The following SCOC variants were observed in gnomAD, a reference collection of about 807,000 sequenced individuals.
SCOC encodes the protein short coiled coil protein.
Under a neutral mutation model 9.9 loss-of-function variants are expected in SCOC, and 7 were observed. The ratio of observed to expected loss-of-function variants is 0.71; its 90% CI spans 0.40 to 1.33. The LOEUF (loss-of-function observed/expected upper bound fraction) is 1.33, where lower values mean the gene tolerates loss of function less well. Among genes scored for constraint, SCOC ranks in the 40% most tolerant of loss-of-function variants. The pLI, the probability that SCOC is intolerant of heterozygous loss-of-function variation, is 0.01. For missense variants in SCOC, 66 were observed against 89.7 expected, an observed-to-expected ratio of 0.74 and a Z score of 1.07; for synonymous variants, 19 against 28.2, an observed-to-expected ratio of 0.67 and a Z score of 1.03.
chr4:140,338,928 T>C (rs1463557202), upstream of SCOC, among the ~76,000 whole-genome samples: 3 of 152,220 alleles, frequency 2.0e-5, no homozygotes, highest in Non-Finnish European at 1.5e-5. Context: ...ATGACTTTCT[T>C]CACAGAATTG....
intron 2 of SCOC, chr4:140,366,330 G>A (rs7687408): frequency 0.95 from 1,294,757 of 1,366,130 alleles, 613,922 homozygotes; most frequent in East Asian, 0.99. Flanking sequence ...CTGGCCTGTG[G>A]CTTTCTGGGC....
Position 140,382,926 on chromosome 4 carries a change from G to A in SCOC, c.*1822G>A, listed in dbSNP as rs1291131244. The A allele has an allele frequency of 2.6e-5, 4 of 152,230 alleles. No individual in the cohort carries two copies. The highest frequency in any genetic ancestry group is 1.3e-4 in the Admixed American group (2 of 15,284). The allele number at this position is 152,230 out of a possible 1,614,324, so 9.4% of individuals were successfully genotyped here. A position where few individuals can be genotyped will look rare whatever the true frequency, so the allele number is the denominator to read the frequency against. On this transcript the variant is annotated 3_prime_UTR_variant, in exon 4 of 4. Transcript: ENST00000608372. The stretch of plus-strand genomic sequence containing the variant: ...TCAGCATTGCAGGCTAGCAGCCCTT[G>A]TTCAAACAGTTATTCAGGGACTTTG...
intron 1 of SCOC, among the ~76,000 whole-genome samples, chr4:140,283,055 C>T (rs1345541719): frequency 6.6e-6 from 1 of 152,172 alleles, no homozygotes; most frequent in African/African-American, 2.4e-5. Flanking sequence ...CTTTTCATTG[C>T]CATCAAGATT....
chr4:140,272,708 C>T (rs1025444037), intron 1 of SCOC, among the ~76,000 whole-genome samples: 2 of 151,518 alleles, frequency 1.3e-5, no homozygotes, highest in African/African-American at 4.9e-5. Flanking sequence ...GAAATTAAGT[C>T]AAAAAGATGT....
chr4:140,356,273 G>A (rs182753862), intron 2 of SCOC, among the ~76,000 whole-genome samples: 1 of 152,280 alleles, frequency 6.6e-6, no homozygotes, highest in Admixed American at 6.5e-5. Flanking sequence ...TAAGTTATTT[G>A]AAAGTTGCCT....
intron 1 of SCOC, among the ~76,000 whole-genome samples, chr4:140,263,814 C>G (rs1418938457): frequency 6.6e-6 from 1 of 152,142 alleles, no homozygotes; most frequent in Non-Finnish European, 1.5e-5. Context: ...AGGACACTTT[C>G]AGGAGCCTGT....
chr4:140,273,355 C>G (rs1355834614), intron 1 of SCOC, among the ~76,000 whole-genome samples: 1 of 152,108 alleles, frequency 6.6e-6, no homozygotes, highest in Non-Finnish European at 1.5e-5. Flanking sequence ...ATTCTTTTCC[C>G]TCTAAATTCA....
In SCOC at chr4:140,380,194, C is replaced by CTTTTTTTT. The variant is rs993271002; in HGVS notation, c.106+556_106+563dup. On this transcript the variant is annotated intron_variant, in intron 3 of 3. Transcript: ENST00000608372. ...CCCTATTAGCTTTCTTTTTCTTTTT[C>CTTTTTTTT]TTTTTTTTTTTTTTTTTTTTTGAGA... is the stretch of plus-strand genomic sequence containing the variant. Among the ~76,000 whole-genome samples, 79 of 108,404 alleles carry CTTTTTTTT rather than the reference C, an allele frequency of 7.3e-4. 1 individual carries two copies. The highest frequency in any genetic ancestry group is 9.7e-4 in the African/African-American group (27 of 27,790). 71.1% of individuals were successfully genotyped at this position (108,404 alleles called of 152,430 possible). A position where few individuals can be genotyped will look rare whatever the true frequency, so the allele number is the denominator to read the frequency against.
intron 1 of SCOC, among the ~76,000 whole-genome samples, chr4:140,320,846 G>C (rs1345978124): frequency 6.6e-6 from 1 of 152,186 alleles, no homozygotes; most frequent in Non-Finnish European, 1.5e-5. Context: ...GGGCAGGGCA[G>C]GAATATTTGC....
At chr4:140,379,471 T>A in intron 2 of SCOC, 98 bp from the exon 3 acceptor site, 1 of 880,746 alleles carries the variant, frequency 1.1e-6, no homozygotes, top group Non-Finnish European at 1.8e-6. Flanking sequence ...ATAAGTCAAG[T>A]AAGAATGAAT....
upstream of SCOC, among the ~76,000 whole-genome samples, chr4:140,370,762 A>G (rs761301076): frequency 6.6e-6 from 1 of 152,076 alleles, no homozygotes; most frequent in Non-Finnish European, 1.5e-5. Flanking sequence ...ATTTTACCTA[A>G]TTATTAGTGA....
intron 2 of SCOC, chr4:140,343,771 A>AT: frequency 8.7e-7 from 1 of 1,154,916 alleles, no homozygotes; most frequent in Admixed American, 1.9e-5. Context: ...TTTTAAAAAT[A>AT]TAACTTTTAT....
At chr4:140,283,842 T>C (rs1311595177) in intron 1 of SCOC, 2 of 152,182 alleles carry the variant, frequency 1.3e-5, no homozygotes, top group African/African-American at 4.8e-5. Flanking sequence ...AAATATATCC[T>C]CACCCATAAC....
chr4:140,377,500 T>G (rs1393812725), intron 1 of SCOC, among the ~76,000 whole-genome samples: 1 of 152,198 alleles, frequency 6.6e-6, no homozygotes, highest in East Asian at 1.9e-4. Context: ...ATTATTAAAT[T>G]AATTGTATAC....
intron 2 of SCOC, among the ~76,000 whole-genome samples, chr4:140,353,870 C>A (rs544079267): frequency 6.6e-6 from 1 of 152,216 alleles, no homozygotes; most frequent in Non-Finnish European, 1.5e-5. Flanking sequence ...CTCTTTTCAG[C>A]CCTTACTCAC....
chr4:140,352,259 T>A (rs766192634), intron 2 of SCOC, among the ~76,000 whole-genome samples: 11 of 152,212 alleles, frequency 7.2e-5, no homozygotes, highest in Non-Finnish European at 1.5e-4. Context: ...TTGTTTTTAG[T>A]GAAATCAAAC....
At chr4:140,322,727 C>A (rs1732535505) in intron 1 of SCOC, among the ~76,000 whole-genome samples, 1 of 152,078 alleles carries the variant, frequency 6.6e-6, no homozygotes, top group Admixed American at 6.6e-5. Context: ...AAAAGCAGAA[C>A]ATAAACATTC....
intron 2 of SCOC, among the ~76,000 whole-genome samples, chr4:140,348,052 T>C (rs1187042629): frequency 1.3e-5 from 2 of 152,154 alleles, no homozygotes; most frequent in Admixed American, 6.5e-5. Context: ...ATGGTGTACA[T>C]TATATATATA....
chr4:140,366,087 A>T (rs1727780049), intron 2 of SCOC, among the ~76,000 whole-genome samples: 1 of 152,248 alleles, frequency 6.6e-6, no homozygotes, highest in Non-Finnish European at 1.5e-5. Flanking sequence ...GAAAACTGTA[A>T]AGATCATGTT....
Sources: allele counts gnomAD v4.1 joint callset (sites outside exome capture counted in the v4.1 genomes callset), GRCh38; gene constraint gnomAD v4.1.1; transcripts MANE v1.5; gene names NCBI Gene and HGNC (gene_info 2026-07-23, HGNC 2026-07-21).